GMDS: variants seen among roughly 807,000 people sequenced by gnomAD.
The protein encoded by GMDS is GDP-mannose 4,6 dehydratase.
In GMDS, 20 loss-of-function variants were observed where a neutral mutation model predicts 49.9. That is an observed-to-expected ratio of 0.40 (90% CI 0.28 to 0.58). The LOEUF is 0.58. Ranked by LOEUF, GMDS falls within the 20% of genes least tolerant of loss-of-function variation. GMDS has a pLI of 0.42. For synonymous variants in GMDS, 177 were observed against 178.6 expected (o/e 0.99, Z 0.07); for missense variants, 362 against 481.4 (o/e 0.75, Z 2.32).
chr6:2,028,849 T>C (rs904486919), intron 4 of GMDS, among the ~76,000 whole-genome samples: 10 of 152,188 alleles, frequency 6.6e-5, no homozygotes, highest in African/African-American at 2.4e-4. Flanking sequence ...CTAACGACTA[T>C]ATTCCAGTTA....
At chr6:2,119,338 C>G (rs1775014293) in intron 2 of GMDS, among the ~76,000 whole-genome samples, 1 of 152,028 alleles carries the variant, frequency 6.6e-6, no homozygotes, top group Non-Finnish European at 1.5e-5. Context: ...CCAATCATAA[C>G]CAAGACTTTA....
chr6:1,915,178 G>C (rs1013482867), intron 7 of GMDS, among the ~76,000 whole-genome samples: 8 of 152,362 alleles, frequency 5.3e-5, no homozygotes, highest in Middle Eastern at 3.4e-3. Flanking sequence ...ATTTGAGGCT[G>C]AGTTGGTTTG....
intron 4 of GMDS, among the ~76,000 whole-genome samples, chr6:2,018,750 T>G (rs1395480535): frequency 6.6e-6 from 1 of 152,194 alleles, no homozygotes; most frequent in Non-Finnish European, 1.5e-5. Flanking sequence ...TGAACATTTG[T>G]GTTGTTTTCA....
At chr6:2,114,437 T>C (rs1381724229) in intron 4 of GMDS, among the ~76,000 whole-genome samples, 16 of 152,250 alleles carry the variant, frequency 1.1e-4, no homozygotes, top group African/African-American at 2.9e-4. Context: ...CGCTTCTCTA[T>C]AGGAAAGAAG....
In GMDS at chr6:1,959,924, C is replaced by A; in HGVS notation, c.586G>T (p.Ala196Ser). 1.2e-6 allele frequency: 2 copies of A among 1,611,772 alleles called. No homozygotes were observed. Among genetic ancestry groups the A allele is most frequent in the Non-Finnish European group, 1.7e-6 (2 of 1,179,130 alleles). Residue 196 changes from alanine to serine, a missense_variant, in exon 6 of 11, where the codon GCG becomes TCG. By Grantham distance (99) the Ala-to-Ser change is moderately conservative. Coordinates refer to ENST00000380815, the MANE Select transcript of GMDS (RefSeq NM_001500.4). ...CCGTTCACTGCAAAGAGATTATACG[C>A]CTCACGGAAGTTCACCACAATCCAA... ...AYWIVVNFRE[A>S]YNLFAVNGIL...
chr6:1,720,406 A>G (rs1169753146), intron 9 of GMDS, among the ~76,000 whole-genome samples: 1 of 152,204 alleles, frequency 6.6e-6, no homozygotes, highest in Non-Finnish European at 1.5e-5. Flanking sequence ...AAAGGGCAGG[A>G]AAGGCCAATG....
intron 1 of GMDS, among the ~76,000 whole-genome samples, chr6:2,140,548 G>A (rs1344899978): frequency 1.3e-5 from 2 of 152,162 alleles, no homozygotes; most frequent in Non-Finnish European, 2.9e-5. Flanking sequence ...TCAGCAAGAG[G>A]TCAATCTAGC....
At chr6:2,224,225 G>T (rs113211276) in intron 1 of GMDS, among the ~76,000 whole-genome samples, 14 of 152,326 alleles carry the variant, frequency 9.2e-5, no homozygotes, top group African/African-American at 3.1e-4. Context: ...ACTGGGCTGT[G>T]AAACAAAGGC....
intron 1 of GMDS, among the ~76,000 whole-genome samples, chr6:2,224,903 A>G (rs1322263135): frequency 6.6e-6 from 1 of 152,218 alleles, no homozygotes; most frequent in Admixed American, 6.5e-5. Flanking sequence ...CTCACTTTAC[A>G]AAAGAGAAAA....
intron 7 of GMDS, among the ~76,000 whole-genome samples, chr6:1,777,639 ATGCAATTATG>A (rs1331725388): frequency 1.3e-5 from 2 of 152,254 alleles, no homozygotes; most frequent in Non-Finnish European, 2.9e-5. Flanking sequence ...TGCTCCTGAA[ATGCAATTATG>A]TGCATTCAGC....
chr6:2,012,031 A>AT (rs1226885503), intron 4 of GMDS, among the ~76,000 whole-genome samples: 1 of 152,230 alleles, frequency 6.6e-6, no homozygotes, highest in African/African-American at 2.4e-5. Flanking sequence ...CAAATACTGT[A>AT]TATCCTCACT....
chr6:2,064,758 A>T (rs1334302992), intron 4 of GMDS, among the ~76,000 whole-genome samples: 2 of 152,168 alleles, frequency 1.3e-5, no homozygotes, highest in Non-Finnish European at 2.9e-5. Context: ...AGCCCTTTTC[A>T]GAAAACCTAG....
chr6:2,176,597 C>T (rs1778295597), intron 1 of GMDS, among the ~76,000 whole-genome samples: 1 of 152,110 alleles, frequency 6.6e-6, no homozygotes, highest in African/African-American at 2.4e-5. Context: ...GGTGTAGAGA[C>T]AACCTGATCT....
chr6:1,648,801 C>T (rs918838724), intron 9 of GMDS, among the ~76,000 whole-genome samples: 31 of 152,158 alleles, frequency 2.0e-4, no homozygotes, highest in African/African-American at 7.5e-4. Flanking sequence ...ACTATTACGG[C>T]GATCACTGGC....
At chr6:2,109,428 TA>T (rs1379970219) in intron 4 of GMDS, among the ~76,000 whole-genome samples, 3 of 152,198 alleles carry the variant, frequency 2.0e-5, no homozygotes, top group African/African-American at 7.2e-5. Context: ...CAAGTCCACA[TA>T]CATAGGCCCA....
At chr6:2,099,405 G>C (rs148318516) in intron 4 of GMDS, among the ~76,000 whole-genome samples, 2 of 152,054 alleles carry the variant, frequency 1.3e-5, no homozygotes, top group African/African-American at 4.8e-5. Flanking sequence ...AGCAATTTTG[G>C]GGCACAACAG....
chr6:1,663,693 C>A (rs574833773), intron 9 of GMDS, among the ~76,000 whole-genome samples: 2 of 152,296 alleles, frequency 1.3e-5, no homozygotes, highest in African/African-American at 4.8e-5. Flanking sequence ...GCAAAGCATA[C>A]ACCTGCCACA....
At chr6:2,067,352 G>T (rs1164819237) in intron 4 of GMDS, among the ~76,000 whole-genome samples, 10 of 149,584 alleles carry the variant, frequency 6.7e-5, no homozygotes, top group Admixed American at 4.6e-4. Context: ...ACAATTAAAA[G>T]AACTAGAAAA....
intron 7 of GMDS, among the ~76,000 whole-genome samples, chr6:1,908,345 C>G (rs556165872): frequency 6.6e-6 from 1 of 152,124 alleles, no homozygotes; most frequent in African/African-American, 2.4e-5. Context: ...AGTGAAACTG[C>G]GGATAGGAGG....
Sources: allele counts gnomAD v4.1 joint callset (sites outside exome capture counted in the v4.1 genomes callset), GRCh38; gene constraint gnomAD v4.1.1; transcripts MANE v1.5; gene names NCBI Gene and HGNC (gene_info 2026-07-23, HGNC 2026-07-21).